Variants in GULP1 observed in about 807,000 individuals in gnomAD.
GULP1 encodes GULP PTB domain containing engulfment adaptor 1.
In GULP1, 19 loss-of-function variants were observed where a neutral mutation model predicts 40.9. The ratio of observed to expected loss-of-function variants is 0.46; its 90% CI spans 0.32 to 0.68. The LOEUF is 0.68. Among genes scored for constraint, GULP1 ranks in the 30% least tolerant of loss-of-function variants. The pLI is 0.03. For missense variants in GULP1, 312 were observed against 362.2 expected (o/e 0.86, Z 1.12); for synonymous variants, 119 against 117.6 (o/e 1.01, Z -0.08).
chr2:188,480,490 G>C (rs1413874179), intron 3 of GULP1, among the ~76,000 whole-genome samples: 1 of 151,796 alleles, frequency 6.6e-6, no homozygotes, highest in Non-Finnish European at 1.5e-5. Flanking sequence ...AAATTAGTAA[G>C]TTTGTATTTC....
intron 2 of GULP1, among the ~76,000 whole-genome samples, chr2:188,427,214 T>A (rs1443584215): frequency 6.6e-6 from 1 of 152,128 alleles, no homozygotes. Context: ...GAACTTATAT[T>A]TAAAAGGGAA....
chr2:188,432,471 A>T (rs1462613367), intron 2 of GULP1, among the ~76,000 whole-genome samples: 1 of 151,868 alleles, frequency 6.6e-6, no homozygotes, highest in East Asian at 1.9e-4. Context: ...TGGTTTTTAA[A>T]TTGTTTTGCC....
At chr2:188,339,865 A>C (rs1210256982) in intron 1 of GULP1, among the ~76,000 whole-genome samples, 1 of 152,188 alleles carries the variant, frequency 6.6e-6, no homozygotes, top group East Asian at 1.9e-4. Context: ...CTTATTTGTA[A>C]AATAGGAATC....
chr2:188,370,036 G>A (rs1482893737), intron 1 of GULP1, among the ~76,000 whole-genome samples: 1 of 152,126 alleles, frequency 6.6e-6, no homozygotes, highest in Non-Finnish European at 1.5e-5. Context: ...TGTAGAGACA[G>A]GGTCTTGCTT....
chr2:188,586,689 T>G (rs1702440991), intron 10 of GULP1, among the ~76,000 whole-genome samples: 1 of 152,128 alleles, frequency 6.6e-6, no homozygotes, highest in African/African-American at 2.4e-5. Flanking sequence ...ATGTTCTCCT[T>G]ATTTATACAA....
chr2:188,392,586 T>G (rs958556440), intron 2 of GULP1, among the ~76,000 whole-genome samples: 1 of 151,998 alleles, frequency 6.6e-6, no homozygotes, highest in African/African-American at 2.4e-5. Flanking sequence ...TTTCTTAAAT[T>G]TCATTTAGTT....
intron 7 of GULP1, among the ~76,000 whole-genome samples, chr2:188,564,332 A>G (rs1697098775): frequency 6.6e-6 from 1 of 151,862 alleles, no homozygotes; most frequent in African/African-American, 2.4e-5. Context: ...CATATATAAT[A>G]TCAACTTTTT....
intron 1 of GULP1, among the ~76,000 whole-genome samples, chr2:188,318,259 T>G (rs1488020462): frequency 1.3e-5 from 2 of 150,144 alleles, no homozygotes; most frequent in Non-Finnish European, 3.0e-5. Context: ...TGAATCAGAG[T>G]AAGTCTCATA....
At chr2:188,491,490 G>A (rs963577467) in intron 4 of GULP1, 1 of 152,044 alleles carries the variant, frequency 6.6e-6, no homozygotes, top group Non-Finnish European at 1.5e-5. Flanking sequence ...GAAGTAAAAT[G>A]TGGCAGAAAA....
chr2:188,554,573 A>G (rs1694291261), intron 7 of GULP1, among the ~76,000 whole-genome samples: 2 of 150,644 alleles, frequency 1.3e-5, no homozygotes, highest in Non-Finnish European at 3.0e-5. Flanking sequence ...TATATGGGCT[A>G]TACTGGGGAA....
intron 1 of GULP1, among the ~76,000 whole-genome samples, chr2:188,348,132 G>T (rs1027452341): frequency 1.3e-5 from 2 of 152,084 alleles, no homozygotes; most frequent in African/African-American, 4.8e-5. Context: ...ATTGAAAAAC[G>T]TGTTATTCAA....
intron 2 of GULP1, among the ~76,000 whole-genome samples, chr2:188,401,469 G>GA (rs560627039): frequency 5.1e-4 from 77 of 152,048 alleles, no homozygotes; most frequent in African/African-American, 1.6e-3. Flanking sequence ...TTTGTAGCCA[G>GA]AAAAAATCCA....
intron 2 of GULP1, among the ~76,000 whole-genome samples, chr2:188,388,727 T>C (rs2152536502): frequency 6.6e-6 from 1 of 152,104 alleles, no homozygotes; most frequent in South Asian, 2.1e-4. Flanking sequence ...TGTAGGAAAA[T>C]AAAACGATGA....
At chr2:188,577,530 C>G (rs994105226) in intron 9 of GULP1, among the ~76,000 whole-genome samples, 1 of 152,078 alleles carries the variant, frequency 6.6e-6, no homozygotes, top group African/African-American at 2.4e-5. Context: ...CAAGATAATT[C>G]TAAAAGCATA....
intron 1 of GULP1, among the ~76,000 whole-genome samples, chr2:188,374,393 A>G (rs2048023478): frequency 6.6e-6 from 1 of 152,104 alleles, no homozygotes; most frequent in Non-Finnish European, 1.5e-5. Context: ...AAGCCAAAGA[A>G]TATGCATTGG....
At chr2:188,480,301 C>T (rs947738018) in intron 3 of GULP1, among the ~76,000 whole-genome samples, 3 of 151,952 alleles carry the variant, frequency 2.0e-5, no homozygotes, top group African/African-American at 2.4e-5. Flanking sequence ...TGTACAGTAT[C>T]CTAAACAAAG....
At chr2:188,591,080 T>C (rs933670189) in intron 11 of GULP1, 17 of 151,986 alleles carry the variant, frequency 1.1e-4, no homozygotes, top group Non-Finnish European at 2.4e-4. Flanking sequence ...ATATACATAA[T>C]TAAAGCAATT....
intron 7 of GULP1, among the ~76,000 whole-genome samples, chr2:188,543,793 A>G (rs954658551): frequency 6.6e-6 from 1 of 152,156 alleles, no homozygotes; most frequent in Admixed American, 6.6e-5. Flanking sequence ...TATTACTCCC[A>G]TAACTGTGGC....
At chr2:188,434,704 A>C (rs1229246036) in intron 2 of GULP1, among the ~76,000 whole-genome samples, 2 of 148,758 alleles carry the variant, frequency 1.3e-5, no homozygotes, top group Non-Finnish European at 3.0e-5. Context: ...CTTATTTTTA[A>C]ATTTCCTGAG....
Sources: gnomAD v4.1 joint callset for allele counts (sites outside exome capture counted in the v4.1 genomes callset) on GRCh38, gnomAD v4.1.1 for gene constraint, MANE v1.5 for transcripts, NCBI Gene and HGNC (gene_info 2026-07-23, HGNC 2026-07-21) for gene names.